The following TNFRSF10A variants were observed in gnomAD, a reference collection of about 807,000 sequenced individuals.
The protein encoded by TNFRSF10A is tumor necrosis factor receptor superfamily member 10A.
A neutral mutation model predicts 42.8 loss-of-function variants in TNFRSF10A; 44 were observed. That is an observed-to-expected ratio of 1.03 (90% CI 0.81 to 1.32). TNFRSF10A has a LOEUF of 1.32. TNFRSF10A is among the 40% of genes most tolerant of loss of function. The pLI is 0.00. For missense variants in TNFRSF10A, 680 were observed against 602.0 expected (o/e 1.13, Z -1.36); for synonymous variants, 259 against 234.2 (o/e 1.11, Z -0.97).
At chr8:23,192,085 T>G in intron 9 of TNFRSF10A, 72 bp from the exon 10 acceptor site, 2 of 1,536,440 alleles carry the variant, frequency 1.3e-6, no homozygotes, top group Non-Finnish European at 1.7e-6. Flanking sequence ...GGATCCCACA[T>G]CAGGCCCAGA....
rs1190329516 is a variant in TNFRSF10A, at chr8:23,195,650, G to T, written c.1087+1482C>A. Among the ~76,000 whole-genome samples, 3 of 152,338 alleles carry T rather than the reference G, an allele frequency of 2.0e-5. No homozygotes were observed. The East Asian group carries it at 5.8e-4, about 29-fold the overall frequency. On this transcript the variant is annotated intron_variant, in intron 9 of 9. Transcript: ENST00000221132. ...GACAGTGATTTTTGCTGCACTTTGTGTGGGTAATCAGGCCACGTATATGGA... is the reference window on the plus strand; with the variant it reads ...GACAGTGATTTTTGCTGCACTTTGTTTGGGTAATCAGGCCACGTATATGGA...
intron 1 of TNFRSF10A, among the ~76,000 whole-genome samples, chr8:23,217,177 C>T (rs1483862053): frequency 6.6e-6 from 1 of 152,136 alleles, no homozygotes; most frequent in Non-Finnish European, 1.5e-5. Context: ...TACTATTAGA[C>T]ATATACACAT....
Position 23,200,669 on chromosome 8 carries a change from C to A in TNFRSF10A, c.703+18G>T. The A allele has an allele frequency of 1.2e-6, 2 of 1,614,118 alleles. No individual in the cohort carries two copies. The highest frequency in any genetic ancestry group is 1.7e-6 in the Non-Finnish European group (2 of 1,179,994). On this transcript the variant is annotated intron_variant, in intron 5 of 9. Coordinates refer to ENST00000221132, the MANE Select transcript of TNFRSF10A (RefSeq NM_003844.4). ...CCTGTCTCCTCTGCAGCTGGGGCTT[C>A]CCCAGTGGGCTTTGTACCTGATTCT...
chr8:23,196,690 C>T (rs531260057), intron 9 of TNFRSF10A, among the ~76,000 whole-genome samples: 5 of 152,248 alleles, frequency 3.3e-5, no homozygotes, highest in East Asian at 3.9e-4. Context: ...CCTGGTGTTT[C>T]GGTAACAAAA....
chr8:23,193,168 G>A (rs1261674287), intron 9 of TNFRSF10A, among the ~76,000 whole-genome samples: 3 of 152,138 alleles, frequency 2.0e-5, no homozygotes, highest in African/African-American at 4.8e-5. Flanking sequence ...TCTGTGCAGC[G>A]AGCAGCGGGA....
chr8:23,224,901 G>A lies in TNFRSF10A; in HGVS notation c.161C>T (p.Ala54Val). ...RIEPRGGGRG[A>V]LPTSMGQHGP... ...GTGCTGTCCCATGGAGGTAGGGAGC[G>A]CTCCTCGGCCCCCGCCTCGTGGTTC... The change falls in exon 1 of 10, where the codon GCG becomes GTG. Residue 54 changes from alanine to valine, a missense_variant. Physicochemically the swap from Ala to Val is moderately conservative, Grantham distance 64. Coordinates refer to ENST00000221132, the MANE Select transcript of TNFRSF10A (RefSeq NM_003844.4). 1 of 1,594,308 alleles carries A rather than the reference G, an allele frequency of 6.3e-7. No homozygotes were observed. The highest frequency in any genetic ancestry group is 8.5e-7 in the Non-Finnish European group (1 of 1,170,702).
At chr8:23,203,573 C>T (rs985985327) in intron 2 of TNFRSF10A, among the ~76,000 whole-genome samples, 2 of 152,186 alleles carry the variant, frequency 1.3e-5, no homozygotes, top group Non-Finnish European at 2.9e-5. Context: ...TTCAGGTGAC[C>T]TCACTCTCCC....
At chr8:23,220,693 G>A (rs188731231) in intron 1 of TNFRSF10A, among the ~76,000 whole-genome samples, 1 of 152,248 alleles carries the variant, frequency 6.6e-6, no homozygotes, top group East Asian at 1.9e-4. Context: ...AGAACTGAAG[G>A]CACTGGCATT....
chr8:23,218,893 T>C (rs1250407007), intron 1 of TNFRSF10A, among the ~76,000 whole-genome samples: 1 of 152,238 alleles, frequency 6.6e-6, no homozygotes, highest in Non-Finnish European at 1.5e-5. Context: ...CATTTACATA[T>C]GAAGTGCTAA....
intron 8 of TNFRSF10A, 151 bp from the exon 9 acceptor site, chr8:23,197,355 A>G (rs1351779715): frequency 3.7e-6 from 3 of 820,818 alleles, no homozygotes; most frequent in Admixed American, 4.3e-5. Context: ...GGTCCCACAT[A>G]GCTCACAGCC....
At chr8:23,199,566 C>T in intron 7 of TNFRSF10A, 118 bp from the exon 8 acceptor site, 2 of 1,272,026 alleles carry the variant, frequency 1.6e-6, no homozygotes, top group Admixed American at 2.3e-5. Flanking sequence ...CCAGGAAGTC[C>T]ATGCTCAGCA....
chr8:23,209,970 G>A (rs1430774815), intron 2 of TNFRSF10A, among the ~76,000 whole-genome samples: 1 of 152,190 alleles, frequency 6.6e-6, no homozygotes, highest in Non-Finnish European at 1.5e-5. Flanking sequence ...TGTTGTGGGA[G>A]GGACCTGGTG....
At chr8:23,210,947 A>C (rs1273737808) in intron 2 of TNFRSF10A, among the ~76,000 whole-genome samples, 1 of 152,222 alleles carries the variant, frequency 6.6e-6, no homozygotes. Flanking sequence ...TATCTACAAA[A>C]ACCCACAGCT....
chr8:23,205,919 T>C (rs1023772194), intron 2 of TNFRSF10A, among the ~76,000 whole-genome samples: 2 of 152,062 alleles, frequency 1.3e-5, no homozygotes, highest in African/African-American at 4.8e-5. Flanking sequence ...GGTTTCACTG[T>C]GTTAGCCAGG....
chr8:23,201,849 C>T lies in TNFRSF10A; in HGVS notation c.588G>A (p.Arg196=), dbSNP rs1273096800. The part of the protein sequence containing the change: ...TACQCKPGTF[R]NDNSAEMCRK... ...GGCACATCTCAGCAGAATTGTCATT[C>T]CGGAAAGTTCCTGGTTTGCACTGAC... The change falls in exon 4 of 10, where the codon CGG becomes CGA. Residue 196 remains arginine, a synonymous_variant. Coordinates refer to ENST00000221132, the MANE Select transcript of TNFRSF10A (RefSeq NM_003844.4). The T allele has an allele frequency of 6.2e-7, 1 of 1,614,196 alleles. No individual in the cohort carries two copies. The highest frequency in any genetic ancestry group is 1.7e-5 in the Admixed American group (1 of 60,020).
Position 23,201,824 on chromosome 8 carries a change from G to A in TNFRSF10A, c.613C>T (p.Arg205Trp), listed in dbSNP as rs374099043. The change falls in exon 4 of 10, where the codon CGG (arginine) becomes TGG (tryptophan). Residue 205 changes from arginine to tryptophan, a missense_variant. By Grantham distance (101) the Arg-to-Trp change is moderately radical (BLOSUM62 -3). Coordinates refer to ENST00000221132, the MANE Select transcript of TNFRSF10A (RefSeq NM_003844.4). ...TTGTCTCACCCTCTGCTGCACTTCC[G>A]GCACATCTCAGCAGAATTGTCATTC... ...FRNDNSAEMCRKCSRGCPRGM... is the reference protein window; with the variant it reads ...FRNDNSAEMCWKCSRGCPRGM... 1.3e-5 allele frequency: 21 copies of A among 1,614,002 alleles called. No homozygotes were observed. The highest frequency in any genetic ancestry group is 1.7e-5 in the Non-Finnish European group (20 of 1,180,008).
intron 4 of TNFRSF10A, among the ~76,000 whole-genome samples, chr8:23,200,999 C>A (rs546694090): frequency 6.6e-5 from 10 of 152,294 alleles, no homozygotes; most frequent in African/African-American, 2.4e-4. Context: ...GTTCCAGGAG[C>A]CTTCTGTGCT....
Position 23,191,505 on chromosome 8 carries a change from G to T in TNFRSF10A, c.*189C>A. 2.8e-6 allele frequency: 2 copies of T among 720,216 alleles called. No individual in the cohort carries two copies. The highest frequency in any genetic ancestry group is 4.4e-6 in the Non-Finnish European group (2 of 456,634). The allele number at this position is 720,216 out of a possible 1,614,324, so 44.6% of individuals were successfully genotyped here. ...TGTAAAGACGGCATTTCACGATGTT[G>T]GTCAGGCTGGTCTTGAACTTCTGAC... On this transcript the variant is annotated 3_prime_UTR_variant, in exon 10 of 10. Coordinates refer to ENST00000221132, the MANE Select transcript of TNFRSF10A (RefSeq NM_003844.4).
chr8:23,224,281 C>CAG (rs1234973113), intron 1 of TNFRSF10A, among the ~76,000 whole-genome samples: 48 of 114,956 alleles, frequency 4.2e-4, no homozygotes, highest in African/African-American at 1.7e-3. Flanking sequence ...GCCTGGGCGA[C>CAG]AGAGAGAGAC....
Sources: gnomAD v4.1 joint callset for allele counts (sites outside exome capture counted in the v4.1 genomes callset) on GRCh38, gnomAD v4.1.1 for gene constraint, MANE v1.5 for transcripts, NCBI Gene and HGNC (gene_info 2026-07-23, HGNC 2026-07-21) for gene names.